DPP6: variants seen among roughly 807,000 people sequenced by gnomAD.
DPP6 encodes the protein A-type potassium channel modulatory protein DPP6.
DPP6 carries 69 observed loss-of-function variants against 122.6 expected under a neutral mutation model. The observed-to-expected ratio is 0.56, with a 90% CI of 0.46 to 0.69. The LOEUF is 0.69. DPP6 is among the 30% of genes least tolerant of loss of function. The probability of loss-of-function intolerance (pLI) is 0.00; values close to 1 mark genes in which losing one functional copy is unlikely to be tolerated. For synonymous variants in DPP6, 418 were observed against 433.1 expected (o/e 0.97, Z 0.43); for missense variants, 928 against 1,116.9 (o/e 0.83, Z 2.41).
chr7:154,883,386 G>GCT (rs548855587), intron 21 of DPP6, among the ~76,000 whole-genome samples: 3 of 67,466 alleles, frequency 4.4e-5, no homozygotes, highest in Non-Finnish European at 8.2e-5. Context: ...ACATACACCT[G>GCT]CTCACACACA....
At position 154,833,221 on chromosome 7, in the gene DPP6, C is replaced by T. The variant is rs1185054950; in HGVS notation, c.1667-20559C>T. On this transcript the variant is annotated intron_variant, in intron 16 of 25. Transcript: ENST00000377770. The surrounding 1 kb of genome is among the most constrained non-coding windows in gnomAD (Gnocchi z 4.3). ...CAGAAGAGTGAGGGTCCCGGGGTCC[C>T]AGTGCCCTGCCAGCATATTGTCGTA... is the stretch of plus-strand genomic sequence containing the variant. 1.3e-5 allele frequency among the ~76,000 whole-genome samples: 2 copies of T among 152,170 alleles called. No individual in the cohort carries two copies. The highest frequency in any genetic ancestry group is 2.9e-5 in the Non-Finnish European group (2 of 68,024).
intron 1 of DPP6, among the ~76,000 whole-genome samples, chr7:154,143,832 A>G (rs1795959495): frequency 6.6e-6 from 1 of 152,168 alleles, no homozygotes; most frequent in South Asian, 2.1e-4. Flanking sequence ...ATAGTCTCCA[A>G]TTATACGCAA....
chr7:153,836,926 T>C, the DPP6 span, among the ~76,000 whole-genome samples: 5 of 152,196 alleles, frequency 3.3e-5, no homozygotes, highest in African/African-American at 1.2e-4. Flanking sequence ...ACCCTCTATC[T>C]TGTGGCTCAT....
intron 17 of DPP6, among the ~76,000 whole-genome samples, chr7:154,859,859 C>T (rs999273325): frequency 2.0e-5 from 3 of 152,134 alleles, no homozygotes; most frequent in Non-Finnish European, 4.4e-5. Context: ...GTGTGGGAGT[C>T]GAAATTGCGG....
At chr7:153,764,362 A>G in the DPP6 span, among the ~76,000 whole-genome samples, 1 of 148,188 alleles carries the variant, frequency 6.7e-6, no homozygotes, top group African/African-American at 2.6e-5. Flanking sequence ...CTCTGCACTC[A>G]GCAGTCCTCC....
chr7:154,456,586 T>G (rs988632404), intron 2 of DPP6, among the ~76,000 whole-genome samples: 2 of 151,894 alleles, frequency 1.3e-5, no homozygotes, highest in Non-Finnish European at 2.9e-5. Flanking sequence ...AAAAAAAAAG[T>G]CCAAGTTGTA....
chr7:154,101,330 C>T (rs532172073), intron 1 of DPP6, among the ~76,000 whole-genome samples: 83 of 139,838 alleles, frequency 5.9e-4, no homozygotes, highest in African/African-American at 2.0e-3. Context: ...CAGCTAGAGC[C>T]TGGAGCTCAG....
intron 1 of DPP6, among the ~76,000 whole-genome samples, chr7:154,103,494 C>T (rs1805907803): frequency 6.6e-6 from 1 of 152,224 alleles, no homozygotes; most frequent in African/African-American, 2.4e-5. Context: ...GCTCCCCCCT[C>T]TCCAATTTTT....
chr7:153,933,727 A>G (rs755912444), intron 1 of DPP6, among the ~76,000 whole-genome samples: 3 of 152,124 alleles, frequency 2.0e-5, no homozygotes, highest in Non-Finnish European at 4.4e-5. Flanking sequence ...ACCTGCATAG[A>G]AACACACACC....
chr7:153,863,211 C>T, the DPP6 span, among the ~76,000 whole-genome samples: 99,313 of 151,974 alleles, frequency 0.65, 32,533 homozygotes, highest in East Asian at 0.71. Context: ...ACCTTGTAAG[C>T]ACTGACAATG....
intron 6 of DPP6, among the ~76,000 whole-genome samples, chr7:154,640,491 C>A (rs1261993192): frequency 6.6e-6 from 1 of 152,186 alleles, no homozygotes; most frequent in Non-Finnish European, 1.5e-5. Context: ...CGTTGCTCAA[C>A]CTGCTCAATT....
In DPP6 at chr7:154,214,140, G is replaced by T. The variant is rs1799876594; in HGVS notation, c.243+161077G>T. Among the ~76,000 whole-genome samples the T allele has an allele frequency of 2.0e-5, 3 of 152,310 alleles. No homozygotes were observed. The South Asian group carries it at 6.2e-4, about 32-fold the overall frequency. On this transcript the variant is annotated intron_variant, in intron 1 of 25. Coordinates refer to ENST00000377770, the MANE Select transcript of DPP6 (RefSeq NM_130797.4). ...GCAAAGTCGCTGTTTATTTGAGATG[G>T]TGACAGACACTATCAGCACACTTCA...
At chr7:154,014,760 C>T (rs71265435) in intron 1 of DPP6, among the ~76,000 whole-genome samples, 3 of 152,116 alleles carry the variant, frequency 2.0e-5, no homozygotes, top group African/African-American at 4.8e-5. Flanking sequence ...TACCCCTCCA[C>T]GTTCTAAAAA....
chr7:154,055,165 C>A lies in DPP6; in HGVS notation c.243+2102C>A, dbSNP rs181192600. On this transcript the variant is annotated intron_variant, in intron 1 of 25. Coordinates refer to ENST00000377770, the MANE Select transcript of DPP6 (RefSeq NM_130797.4). ...ATTGTGTGTTTATATAGTGTACTCCCGATATATATATGCACACATATATAC... is the reference window on the plus strand; with the variant it reads ...ATTGTGTGTTTATATAGTGTACTCCAGATATATATATGCACACATATATAC... 5.8e-4 allele frequency among the ~76,000 whole-genome samples: 82 copies of A among 141,646 alleles called. No homozygotes were observed. The East Asian group carries it at 7.9e-3, about 14-fold the overall frequency. 92.9% of individuals were successfully genotyped at this position (141,646 alleles called of 152,430 possible).
intron 1 of DPP6, among the ~76,000 whole-genome samples, chr7:154,044,253 C>T (rs1384949431): frequency 6.6e-6 from 1 of 152,136 alleles, no homozygotes; most frequent in Non-Finnish European, 1.5e-5. Context: ...ATAGACAAAC[C>T]TATTTTTCCC....
At chr7:154,401,228 C>A (rs1453232155) in intron 1 of DPP6, among the ~76,000 whole-genome samples, 22 of 148,206 alleles carry the variant, frequency 1.5e-4, no homozygotes, top group East Asian at 1.0e-3. Flanking sequence ...AAAAAAAAAA[C>A]AGGTATTACT....
chr7:153,786,041 G>A, the DPP6 span, among the ~76,000 whole-genome samples: 20 of 152,134 alleles, frequency 1.3e-4, no homozygotes, highest in East Asian at 2.3e-3. Context: ...TGCTAAGACC[G>A]ACATATTTTA....
intron 5 of DPP6, among the ~76,000 whole-genome samples, chr7:154,571,358 A>G (rs1831097799): frequency 6.6e-6 from 1 of 152,134 alleles, no homozygotes; most frequent in Non-Finnish European, 1.5e-5. Context: ...ACTTTTTCCT[A>G]CTAAACTATT....
At chr7:154,352,552 A>G (rs11981815) in intron 1 of DPP6, among the ~76,000 whole-genome samples, 2,385 of 152,330 alleles carry the variant, frequency 0.016, 71 homozygotes, top group African/African-American at 0.054. Context: ...GGAAGCCATC[A>G]TTCTCAGCAA....
Sources: allele counts gnomAD v4.1 joint callset (sites outside exome capture counted in the v4.1 genomes callset), GRCh38; gene constraint gnomAD v4.1.1; non-coding constraint Gnocchi (gnomAD v3.1); transcripts MANE v1.5; gene names NCBI Gene and HGNC (gene_info 2026-07-23, HGNC 2026-07-21).